RASGEF1A: variants seen among roughly 807,000 people sequenced by gnomAD.
RASGEF1A encodes the protein ras-GEF domain-containing family member 1A.
A neutral mutation model predicts 56.4 loss-of-function variants in RASGEF1A; 18 were observed. The ratio of observed to expected loss-of-function variants is 0.32; its 90% CI spans 0.22 to 0.47. The LOEUF is 0.47. RASGEF1A is among the 20% of genes least tolerant of loss of function. The pLI is 1.00. For synonymous variants in RASGEF1A, 245 were observed against 242.6 expected (o/e 1.01, Z -0.09); for missense variants, 422 against 627.1 (o/e 0.67, Z 3.49).
chr10:43,244,578 A>G (rs1840549586), intron 1 of RASGEF1A, among the ~76,000 whole-genome samples: 1 of 150,998 alleles, frequency 6.6e-6, no homozygotes, highest in African/African-American at 2.4e-5. Flanking sequence ...TAAATTTAAA[A>G]GGACTGAAAT....
rs1223959441 is a variant in RASGEF1A at position 43,267,004 on chromosome 10, A to G, written c.-166T>C. The G allele has an allele frequency of 1.4e-5, 2 of 147,840 alleles. No individual in the cohort carries two copies. Among genetic ancestry groups the G allele is most frequent in the Non-Finnish European group, 3.0e-5 (2 of 66,544 alleles). The allele number at this position is 147,840 out of a possible 1,614,324, so 9.2% of individuals were successfully genotyped here. On this transcript the variant is annotated 5_prime_UTR_variant, in exon 1 of 13. Coordinates refer to ENST00000395810, the MANE Select transcript of RASGEF1A (RefSeq NM_145313.4). Reference sequence around the variant, plus strand: ...GCGCTGCGCCAGCTGCGGGCAGAGCAGCTCCCTCCGCAGCCGGCGCCGGGG... The same window carrying G: ...GCGCTGCGCCAGCTGCGGGCAGAGCGGCTCCCTCCGCAGCCGGCGCCGGGG...
chr10:43,206,350 G>T (rs1839996519), intron 1 of RASGEF1A, among the ~76,000 whole-genome samples: 1 of 152,208 alleles, frequency 6.6e-6, no homozygotes, highest in Non-Finnish European at 1.5e-5. Context: ...CTGTGGGCCA[G>T]ACCTCATTCC....
intron 1 of RASGEF1A, among the ~76,000 whole-genome samples, chr10:43,245,504 C>T (rs1168413276): frequency 6.6e-6 from 1 of 152,120 alleles, no homozygotes; most frequent in African/African-American, 2.4e-5. Context: ...ATAAACCATC[C>T]ATAAATGTAG....
At chr10:43,200,577 G>T in intron 5 of RASGEF1A, 90 bp downstream of exon 5, 1 of 1,174,242 alleles carries the variant, frequency 8.5e-7, no homozygotes, top group Non-Finnish European at 1.2e-6. Context: ...ATGGCTCAGT[G>T]TGACTAGCAG....
intron 1 of RASGEF1A, among the ~76,000 whole-genome samples, chr10:43,210,736 C>T (rs923011296): frequency 6.6e-6 from 1 of 152,236 alleles, no homozygotes; most frequent in African/African-American, 2.4e-5. Context: ...GCACCCTCCT[C>T]CCACCCAGGA....
intron 1 of RASGEF1A, chr10:43,207,790 A>C: frequency 3.9e-6 from 3 of 768,110 alleles, no homozygotes; most frequent in Non-Finnish European, 4.7e-6. Flanking sequence ...CTGTACCCCA[A>C]CGCGCTCTCC....
At chr10:43,247,326 T>C (rs1840576708) in intron 1 of RASGEF1A, among the ~76,000 whole-genome samples, 1 of 134,100 alleles carries the variant, frequency 7.5e-6, no homozygotes, top group South Asian at 2.8e-4. Flanking sequence ...TGTAAAATTG[T>C]GCAATCTATT....
chr10:43,220,394 G>C (rs1400116668), intron 1 of RASGEF1A, among the ~76,000 whole-genome samples: 1 of 152,172 alleles, frequency 6.6e-6, no homozygotes, highest in African/African-American at 2.4e-5. Context: ...TCAGGAGGCT[G>C]AGGTAGGGGG....
At chr10:43,264,478 C>T (rs1836589165) in intron 1 of RASGEF1A, among the ~76,000 whole-genome samples, 2 of 151,784 alleles carry the variant, frequency 1.3e-5, no homozygotes, top group Admixed American at 1.3e-4. Flanking sequence ...GCACATCACA[C>T]CCTTGCTAGG....
Position 43,225,911 on chromosome 10 carries a change from G to A in RASGEF1A, c.-6-19789C>T, listed in dbSNP as rs137924192. Among the ~76,000 whole-genome samples, 760 of 152,234 alleles carry A rather than the reference G, an allele frequency of 5.0e-3. 5 individuals carry two copies. The highest frequency in any genetic ancestry group is 0.017 in the African/African-American group (718 of 41,530). ...AGAGAGAGGAGGGCGGCGCTCTGAC[G>A]CATACTTACCGGCCCAAGGCTGGGC... On this transcript the variant is annotated intron_variant, in intron 1 of 12. Coordinates refer to ENST00000395810, the MANE Select transcript of RASGEF1A (RefSeq NM_145313.4).
chr10:43,252,282 G>A (rs1438771700), intron 1 of RASGEF1A, among the ~76,000 whole-genome samples: 7 of 152,170 alleles, frequency 4.6e-5, no homozygotes, highest in Non-Finnish European at 8.8e-5. Flanking sequence ...GTCAGCAGGT[G>A]GGACACAGAG....
intron 1 of RASGEF1A, among the ~76,000 whole-genome samples, chr10:43,209,563 C>G (rs1241527009): frequency 6.6e-6 from 1 of 152,186 alleles, no homozygotes; most frequent in Non-Finnish European, 1.5e-5. Context: ...GCCTCCTCAC[C>G]CCCAGGAGCT....
At chr10:43,264,707 T>C (rs1194647784) in intron 1 of RASGEF1A, among the ~76,000 whole-genome samples, 2 of 150,828 alleles carry the variant, frequency 1.3e-5, no homozygotes, top group African/African-American at 4.9e-5. Flanking sequence ...ATGCCTTGAG[T>C]CTCCTCCCCA....
chr10:43,210,899 GACTCCTT>G (rs1840057611), intron 1 of RASGEF1A, among the ~76,000 whole-genome samples: 1 of 148,140 alleles, frequency 6.8e-6, no homozygotes, highest in African/African-American at 2.6e-5. Context: ...TAGCCCCTCT[GACTCCTT>G]GGAGCAGCAG....
At chr10:43,228,969 G>A (rs1840320387) in intron 1 of RASGEF1A, among the ~76,000 whole-genome samples, 1 of 152,248 alleles carries the variant, frequency 6.6e-6, no homozygotes, top group Admixed American at 6.5e-5. Context: ...TCAGAACCCA[G>A]GGGGCTGCCG....
intron 1 of RASGEF1A, among the ~76,000 whole-genome samples, chr10:43,230,070 GC>G (rs1261487898): frequency 6.6e-6 from 1 of 151,720 alleles, no homozygotes; most frequent in Admixed American, 6.6e-5. Context: ...GGCGCGCGGG[GC>G]CGGCGAGGGG....
intron 1 of RASGEF1A, chr10:43,209,264 C>A: frequency 1.0e-6 from 1 of 961,200 alleles, no homozygotes; most frequent in Non-Finnish European, 1.2e-6. Context: ...CCCAGTCACC[C>A]CCTATGCTCC....
intron 1 of RASGEF1A, among the ~76,000 whole-genome samples, chr10:43,216,272 G>C (rs956203976): frequency 7.2e-5 from 11 of 152,162 alleles, no homozygotes; most frequent in Non-Finnish European, 4.4e-5. Context: ...TATGCCTACA[G>C]TGGGTGGGCC....
chr10:43,231,546 C>T (rs1438136565), intron 1 of RASGEF1A, among the ~76,000 whole-genome samples: 1 of 152,272 alleles, frequency 6.6e-6, no homozygotes, highest in Admixed American at 6.5e-5. Context: ...TATGCAGTCA[C>T]AGGGTCACTT....
Sources: gnomAD v4.1 joint callset for allele counts (sites outside exome capture counted in the v4.1 genomes callset) on GRCh38, gnomAD v4.1.1 for gene constraint, MANE v1.5 for transcripts, NCBI Gene and HGNC (gene_info 2026-07-23, HGNC 2026-07-21) for gene names.